The following ABCA13 variants were observed in gnomAD, a reference collection of about 807,000 sequenced individuals.
ABCA13 encodes the protein ATP binding cassette subfamily A member 13.
A neutral mutation model predicts 478.7 loss-of-function variants in ABCA13; 476 were observed. The ratio of observed to expected loss-of-function variants is 0.99; its 90% CI spans 0.92 to 1.07. The LOEUF (loss-of-function observed/expected upper bound fraction) is 1.07, where lower values mean the gene tolerates loss of function less well. Among genes scored for constraint, ABCA13 ranks in the 50% least tolerant of loss-of-function variants. The probability of loss-of-function intolerance (pLI) is 0.00; values close to 1 mark genes in which losing one functional copy is unlikely to be tolerated. For missense variants in ABCA13, 6,060 were observed against 5,910.6 expected, an observed-to-expected ratio of 1.03 and a Z score of -0.83; for synonymous variants, 2,252 against 2,158.9, an observed-to-expected ratio of 1.04 and a Z score of -1.20.
intron 7 of ABCA13, among the ~76,000 whole-genome samples, chr7:48,233,715 C>G (rs548720399): frequency 6.6e-6 from 1 of 152,104 alleles, no homozygotes; most frequent in Non-Finnish European, 1.5e-5. Flanking sequence ...TTGAGAAAGA[C>G]TTTTAGAAGT....
chr7:48,225,127 GCCTGCCTGCCTTCCTTCCTT>G (rs1171680252), intron 5 of ABCA13, among the ~76,000 whole-genome samples: 7 of 81,992 alleles, frequency 8.5e-5, no homozygotes, highest in African/African-American at 1.4e-4. Flanking sequence ...CTGCCTGCCT[GCCTGCCTGCCTTCCTTCCTT>G]CCTTCCTTCC....
intron 50 of ABCA13, among the ~76,000 whole-genome samples, chr7:48,510,367 C>T (rs941972442): frequency 3.9e-5 from 6 of 152,120 alleles, no homozygotes; most frequent in Admixed American, 3.9e-4. Flanking sequence ...AGGAACCAGG[C>T]GTGTGAGAGC....
rs992376882 is a variant in ABCA13 at position 48,302,331 on chromosome 7, T to A, written c.9321+3844T>A. On this transcript the variant is annotated intron_variant, in intron 23 of 61. Transcript: ENST00000435803. ...CTAATTTTGGCAAAATATTTTTTCC[T>A]TTTTATTTTTAAAAATTAAACTTTT... Among the ~76,000 whole-genome samples the A allele has an allele frequency of 3.3e-5, 5 of 152,256 alleles. No individual in the cohort carries two copies. In the South Asian group the frequency reaches 8.3e-4, roughly 25 times the overall value.
At chr7:48,394,086 G>C (rs1193556874) in intron 38 of ABCA13, among the ~76,000 whole-genome samples, 1 of 152,172 alleles carries the variant, frequency 6.6e-6, no homozygotes, top group Non-Finnish European at 1.5e-5. Context: ...GTGCTCCTTA[G>C]AAATGTACCC....
At chr7:48,368,733 T>TTA (rs1178328047) in intron 32 of ABCA13, among the ~76,000 whole-genome samples, 1 of 131,558 alleles carries the variant, frequency 7.6e-6, no homozygotes, top group South Asian at 2.4e-4. Context: ...ACACACACAT[T>TTA]TATATATATA....
At chr7:48,282,642 C>T (rs1797203366) in intron 19 of ABCA13, among the ~76,000 whole-genome samples, 1 of 152,184 alleles carries the variant, frequency 6.6e-6, no homozygotes, top group Admixed American at 6.5e-5. Flanking sequence ...ATTCTTCTGC[C>T]TTTCCTTGAT....
intron 29 of ABCA13, among the ~76,000 whole-genome samples, chr7:48,347,474 G>C (rs1808295954): frequency 6.6e-6 from 1 of 152,218 alleles, no homozygotes; most frequent in African/African-American, 2.4e-5. Context: ...GGAGTCACCA[G>C]CCAAGGGCTG....
rs1411754112 is a variant in ABCA13 at position 48,273,774 on chromosome 7, A to C, written c.4108A>C (p.Arg1370=). 1 of 1,611,228 alleles carries C rather than the reference A, an allele frequency of 6.2e-7. No homozygotes were observed. Among genetic ancestry groups the C allele is most frequent in the Admixed American group, 1.7e-5 (1 of 59,668 alleles). Residue 1370 remains arginine (R), a synonymous_variant, in exon 17 of 62, where the codon AGG becomes CGG. Coordinates refer to ENST00000435803, the MANE Select transcript of ABCA13 (RefSeq NM_152701.5). ...CTTTTTATATGTAAATACCTCACAG[A>C]GGATGTTACGTATTCTAGACACGTT... ...DGFLYVNTSQ[R]MLRILDTLNS...
chr7:48,372,443 C>A lies in ABCA13; in HGVS notation c.11079C>A (p.Tyr3693Ter). The A allele has an allele frequency of 6.2e-7, 1 of 1,612,168 alleles. No individual in the cohort carries two copies. The highest frequency in any genetic ancestry group is 8.5e-7 in the Non-Finnish European group (1 of 1,179,348). Reference protein sequence around the residue: ...SLVYMISFLPYIVLLVLHNQL... With the variant: ...SLVYMISFLP ...TGTACATGATCAGCTTTCTGCCCTA[C>A]ATAGTTCTATTGGTTCTACATAACC... The change falls in exon 33 of 62, where the codon TAC (tyrosine) becomes TAA (stop). Residue 3693 changes from tyrosine to a stop codon, truncating the protein, a stop_gained. Transcript: ENST00000435803. LOFTEE classifies it high-confidence loss of function.
chr7:48,543,302 A>G (rs1017268697), intron 55 of ABCA13, among the ~76,000 whole-genome samples: 2 of 151,990 alleles, frequency 1.3e-5, no homozygotes, highest in Middle Eastern at 3.4e-3. Context: ...ATTACTGTAT[A>G]GTGATAAGGA....
chr7:48,621,473 T>C (rs1281847330), intron 59 of ABCA13, among the ~76,000 whole-genome samples: 1 of 152,134 alleles, frequency 6.6e-6, no homozygotes, highest in Non-Finnish European at 1.5e-5. Context: ...GGTCTTGGTG[T>C]CTGAAAACCC....
chr7:48,548,986 G>T (rs1355718696), intron 55 of ABCA13, among the ~76,000 whole-genome samples: 2 of 151,614 alleles, frequency 1.3e-5, no homozygotes, highest in Non-Finnish European at 3.0e-5. Flanking sequence ...GGTGGTGGTT[G>T]CCTGGTAAAC....
chr7:48,499,286 A>G (rs1226438947), intron 48 of ABCA13, among the ~76,000 whole-genome samples: 1 of 152,214 alleles, frequency 6.6e-6, no homozygotes, highest in Non-Finnish European at 1.5e-5. Context: ...ACTCTTACAT[A>G]TTTCACTGAT....
intron 31 of ABCA13, among the ~76,000 whole-genome samples, chr7:48,361,654 G>T (rs1810854601): frequency 6.6e-6 from 1 of 150,574 alleles, no homozygotes; most frequent in African/African-American, 2.5e-5. Flanking sequence ...ATATTATGTA[G>T]GTAATATATT....
chr7:48,337,596 G>C (rs988290418), intron 28 of ABCA13, among the ~76,000 whole-genome samples: 1 of 152,212 alleles, frequency 6.6e-6, no homozygotes, highest in Non-Finnish European at 1.5e-5. Context: ...TCTGGATAGT[G>C]TACAAATATT....
At chr7:48,432,283 T>A (rs1822253031) in intron 42 of ABCA13, among the ~76,000 whole-genome samples, 1 of 152,086 alleles carries the variant, frequency 6.6e-6, no homozygotes, top group Non-Finnish European at 1.5e-5. Context: ...TAACCTTATA[T>A]CTGTTAGAAT....
At chr7:48,242,271 A>G (rs1790956442) in intron 10 of ABCA13, among the ~76,000 whole-genome samples, 1 of 118,112 alleles carries the variant, frequency 8.5e-6, no homozygotes, top group South Asian at 2.6e-4. Flanking sequence ...CTTGGCTCTT[A>G]GTCCTACAGA....
intron 3 of ABCA13, among the ~76,000 whole-genome samples, chr7:48,206,833 T>C (rs904651391): frequency 2.0e-5 from 3 of 152,044 alleles, no homozygotes; most frequent in East Asian, 3.9e-4. Flanking sequence ...TTCACTCTTT[T>C]AGTTATTTTG....
chr7:48,575,562 GTTC>G (rs1788085358), intron 55 of ABCA13, among the ~76,000 whole-genome samples: 1 of 152,166 alleles, frequency 6.6e-6, no homozygotes, highest in East Asian at 1.9e-4. Context: ...TTGAGAAATT[GTTC>G]TACTGTGTAG....
Sources: allele counts gnomAD v4.1 joint callset (sites outside exome capture counted in the v4.1 genomes callset), GRCh38; gene constraint gnomAD v4.1.1; transcripts MANE v1.5; gene names NCBI Gene and HGNC (gene_info 2026-07-23, HGNC 2026-07-21).